SEMA4F: variants seen among roughly 807,000 people sequenced by gnomAD.
SEMA4F encodes ssemaphorin 4F.
A neutral mutation model predicts 78.4 loss-of-function variants in SEMA4F; 51 were observed. The ratio of observed to expected loss-of-function variants is 0.65; its 90% CI spans 0.52 to 0.82. The LOEUF is 0.82. SEMA4F is among the 40% of genes least tolerant of loss of function. The pLI is 0.00. For missense variants in SEMA4F, 938 were observed against 1,014.4 expected (o/e 0.92, Z 1.02); for synonymous variants, 418 against 408.7 (o/e 1.02, Z -0.27).
chr2:74,656,062 G>A (rs1187743853), intron 1 of SEMA4F, among the ~76,000 whole-genome samples: 1 of 150,988 alleles, frequency 6.6e-6, no homozygotes, highest in Non-Finnish European at 1.5e-5. Context: ...AGGCTGGTGT[G>A]CAGTGGTGTG....
At chr2:74,666,732 A>G (rs1458114740) in intron 5 of SEMA4F, among the ~76,000 whole-genome samples, 2 of 152,240 alleles carry the variant, frequency 1.3e-5, no homozygotes, top group African/African-American at 2.4e-5. Context: ...AATAGTGGTA[A>G]CATTATATAA....
At chr2:74,657,659 G>A in intron 3 of SEMA4F, 35 bp downstream of exon 3, 3 of 1,604,602 alleles carry the variant, frequency 1.9e-6, no homozygotes, top group Non-Finnish European at 1.7e-6. Context: ...TTGAGTGTCA[G>A]TTGAGACCTT....
chr2:74,697,271 A>G, the SEMA4F span, among the ~76,000 whole-genome samples: 1 of 152,326 alleles, frequency 6.6e-6, no homozygotes, highest in Non-Finnish European at 1.5e-5. Flanking sequence ...ATGGAAAACC[A>G]GCATTGACTC....
chr2:74,654,621 C>T, intron 1 of SEMA4F, 100 bp downstream of exon 1: 1 of 1,096,328 alleles, frequency 9.1e-7, no homozygotes, highest in Non-Finnish European at 1.2e-6. Flanking sequence ...GCCTCTCAGC[C>T]TGGTGTATGG....
chr2:74,692,944 A>G, the SEMA4F span, among the ~76,000 whole-genome samples: 1 of 152,258 alleles, frequency 6.6e-6, no homozygotes, highest in Non-Finnish European at 1.5e-5. Context: ...ACAATTACAT[A>G]CATATGCTCG....
the SEMA4F span, among the ~76,000 whole-genome samples, chr2:74,704,414 A>C: frequency 6.6e-6 from 1 of 150,918 alleles, no homozygotes; most frequent in Non-Finnish European, 1.5e-5. Flanking sequence ...GGAGTTCTCA[A>C]CTGGGATCCC....
chr2:74,695,782 A>G, the SEMA4F span, among the ~76,000 whole-genome samples: 3 of 152,206 alleles, frequency 2.0e-5, no homozygotes, highest in Non-Finnish European at 4.4e-5. Context: ...AAGTAACCAG[A>G]TATGAATTGT....
chr2:74,674,870 C>A lies in SEMA4F; in HGVS notation c.1002-18C>A, dbSNP rs201765423. On this transcript the variant is annotated intron_variant, in intron 8 of 13. Coordinates refer to ENST00000357877, the MANE Select transcript of SEMA4F (RefSeq NM_004263.5). Reference sequence around the variant, plus strand: ...CCCAGACCCCTCCATATATCCAGCTCCAACCTGTGAATTCCAGGGAGGGGG... The same window carrying A: ...CCCAGACCCCTCCATATATCCAGCTACAACCTGTGAATTCCAGGGAGGGGG... The A allele has an allele frequency of 3.7e-6, 6 of 1,613,256 alleles. No individual in the cohort carries two copies. The highest frequency in any genetic ancestry group is 5.1e-6 in the Non-Finnish European group (6 of 1,179,642).
At chr2:74,707,573 C>A in the SEMA4F span, among the ~76,000 whole-genome samples, 209 of 151,800 alleles carry the variant, frequency 1.4e-3, no homozygotes, top group South Asian at 0.012. Flanking sequence ...TTCAGATTTG[C>A]CCTCTTGCCT....
Position 74,679,932 on chromosome 2 carries a change from T to C in SEMA4F, c.2036T>C (p.Leu679Pro), listed in dbSNP as rs781209101. Residue 679 changes from leucine to proline, a missense_variant, in exon 14 of 14, where the codon CTG (leucine) becomes CCG (proline). Physicochemically the swap from Leu to Pro is moderately conservative, Grantham distance 98 (BLOSUM62 -3). Transcript: ENST00000357877. ...CTCGCAGCATCCCTGACTCTCATTC[T>C]GATTGGTCGGCGTCAGCAGCGACGG... The part of the protein sequence containing the change: ...GILAASLTLI[L>P]IGRRQQRRRQ... 4 of 1,614,132 alleles carry C rather than the reference T, an allele frequency of 2.5e-6. No homozygotes were observed. In the East Asian group the frequency reaches 6.7e-5, roughly 27 times the overall value.
chr2:74,694,453 C>T, the SEMA4F span, among the ~76,000 whole-genome samples: 1 of 152,132 alleles, frequency 6.6e-6, no homozygotes, highest in Non-Finnish European at 1.5e-5. Context: ...CTCAAGGTCC[C>T]CAGCTAGGAA....
chr2:74,659,242 A>G (rs1684312836), intron 4 of SEMA4F, among the ~76,000 whole-genome samples: 1 of 152,052 alleles, frequency 6.6e-6, no homozygotes, highest in Non-Finnish European at 1.5e-5. Flanking sequence ...CCATTGCCAT[A>G]TTTGTCCTTT....
At chr2:74,685,486 A>G (rs1188086555), downstream of SEMA4F, among the ~76,000 whole-genome samples, 2 of 151,980 alleles carry the variant, frequency 1.3e-5, no homozygotes, top group Admixed American at 6.6e-5. Flanking sequence ...ACCTTCTCTC[A>G]GCTCTGTAGG....
chr2:74,690,703 T>C, the SEMA4F span, among the ~76,000 whole-genome samples: 2 of 152,232 alleles, frequency 1.3e-5, no homozygotes, highest in African/African-American at 2.4e-5. Flanking sequence ...CCGACTAACA[T>C]TGAACACAAG....
At chr2:74,696,396 T>C in the SEMA4F span, among the ~76,000 whole-genome samples, 7 of 151,958 alleles carry the variant, frequency 4.6e-5, no homozygotes, top group East Asian at 1.2e-3. Context: ...CGGGGTTTCA[T>C]CATGTTGGCC....
chr2:74,694,874 T>C, the SEMA4F span, among the ~76,000 whole-genome samples: 1 of 152,234 alleles, frequency 6.6e-6, no homozygotes, highest in Non-Finnish European at 1.5e-5. Flanking sequence ...TTCTTTTTAG[T>C]GCTGAATAAT....
chr2:74,666,183 G>A (rs1307964629), intron 5 of SEMA4F, among the ~76,000 whole-genome samples: 1 of 152,168 alleles, frequency 6.6e-6, no homozygotes, highest in East Asian at 1.9e-4. Context: ...TGGGATTACA[G>A]GCGTGAGCCA....
chr2:74,661,667 CT>C (rs1022624544), intron 4 of SEMA4F, among the ~76,000 whole-genome samples: 2 of 152,156 alleles, frequency 1.3e-5, no homozygotes, highest in African/African-American at 4.8e-5. Context: ...TTTTTGGGGA[CT>C]TCAAAAGTTT....
chr2:74,665,461 C>T (rs540394070), intron 5 of SEMA4F, among the ~76,000 whole-genome samples: 15 of 152,092 alleles, frequency 9.9e-5, no homozygotes, highest in South Asian at 2.1e-4. Context: ...AATCTCCTGA[C>T]CTCGTGATCT....
Sources: allele counts gnomAD v4.1 joint callset (sites outside exome capture counted in the v4.1 genomes callset), GRCh38; gene constraint gnomAD v4.1.1; transcripts MANE v1.5; gene names NCBI Gene and HGNC (gene_info 2026-07-23, HGNC 2026-07-21).